The following GNAS variants were observed in gnomAD, a reference collection of about 807,000 sequenced individuals.
GNAS encodes GNAS complex locus, also known as protein ALEX.
In GNAS, 8 loss-of-function variants were observed where a neutral mutation model predicts 54.5. The ratio of observed to expected loss-of-function variants is 0.15; its 90% CI spans 0.09 to 0.26. GNAS has a LOEUF of 0.26. Among genes scored for constraint, GNAS ranks in the 10% least tolerant of loss-of-function variants. The pLI is 1.00. For synonymous variants in GNAS, 204 were observed against 191.4 expected, an observed-to-expected ratio of 1.07 and a Z score of -0.54; for missense variants, 170 against 529.8, an observed-to-expected ratio of 0.32 and a Z score of 6.67.
chr20:58,887,874 C>T (rs527895606), upstream of GNAS, among the ~76,000 whole-genome samples: 4 of 152,228 alleles, frequency 2.6e-5, no homozygotes, highest in Non-Finnish European at 5.9e-5. Context: ...CCTGAAGGGG[C>T]CAAGAAAAAT....
Position 58,880,311 on chromosome 20 carries a change from G to A in GNAS, c.44-15301G>A, listed in dbSNP as rs146721506. 3.6e-3 allele frequency among the ~76,000 whole-genome samples: 542 copies of A among 152,226 alleles called. 5 individuals are homozygous for A. Among genetic ancestry groups the A allele is most frequent in the Middle Eastern group, 0.017 (5 of 294 alleles). Reference sequence around the variant, plus strand: ...GAATCCATCTTACTTATTTTCCCTCGGGGGTGCAGGCAGGGCAGAGCCCAG... The same window carrying A: ...GAATCCATCTTACTTATTTTCCCTCAGGGGTGCAGGCAGGGCAGAGCCCAG... On this transcript the variant is annotated intron_variant, in intron 1 of 12. Coordinates refer to the GNAS transcript ENST00000306090.
intron 1 of GNAS, among the ~76,000 whole-genome samples, chr20:58,867,278 T>C (rs1042789663): frequency 6.6e-6 from 1 of 152,230 alleles, no homozygotes; most frequent in Non-Finnish European, 1.5e-5. Context: ...TATTTATAAT[T>C]AAGCATTTTT....
upstream of GNAS, among the ~76,000 whole-genome samples, chr20:58,886,852 T>C (rs557302392): frequency 6.6e-6 from 1 of 152,356 alleles, no homozygotes; most frequent in South Asian, 2.1e-4. Context: ...GTCATTTATT[T>C]ACAAAGTGAA....
rs1028166274 is a variant in GNAS at position 58,891,597 on chromosome 20, C to T, written c.-130C>T. ...CGGCCCGCAGTCCGCCCCGCGCGCT[C>T]CTTGCCGAGGAGCCGAGCCCGCGCC... On this transcript the variant is annotated 5_prime_UTR_variant, in exon 1 of 13. Transcript: ENST00000371085. 7.2e-6 allele frequency: 7 copies of T among 972,256 alleles called. No individual in the cohort carries two copies. Among genetic ancestry groups the T allele is most frequent in the African/African-American group, 3.6e-5 (2 of 55,000 alleles). The allele number at this position is 972,256 out of a possible 1,614,324, so 60.2% of individuals were successfully genotyped here.
upstream of GNAS, among the ~76,000 whole-genome samples, chr20:58,889,901 G>A (rs1353018230): frequency 6.6e-6 from 1 of 151,742 alleles, no homozygotes; most frequent in East Asian, 2.0e-4. Flanking sequence ...TGGCCATGAA[G>A]CTCAAAGCCC....
At chr20:58,891,887 C>G in intron 1 of GNAS, 22 bp downstream of exon 1, 1 of 1,117,350 alleles carries the variant, frequency 8.9e-7, no homozygotes, top group Non-Finnish European at 1.1e-6. Context: ...CGGGGGGCGC[C>G]GGCCCCGGCC....
At chr20:58,848,615 C>G (rs2086032849) in intron 1 of GNAS, among the ~76,000 whole-genome samples, 1 of 152,228 alleles carries the variant, frequency 6.6e-6, no homozygotes, top group Non-Finnish European at 1.5e-5. Flanking sequence ...GGCCATCTCC[C>G]TCCAGATCAA....
At chr20:58,854,264 C>T (rs778831981) in intron 1 of GNAS, 1 of 1,612,546 alleles carries the variant, frequency 6.2e-7, no homozygotes, top group Non-Finnish European at 8.5e-7. Flanking sequence ...TCGCGCTTGA[C>T]GGCCCGCCCA....
At position 58,853,932 on chromosome 20, in the gene GNAS, A is replaced by G. The variant is rs756290159; in HGVS notation, c.43+13046A>G. 1.9e-6 allele frequency: 3 copies of G among 1,611,448 alleles called. No homozygotes were observed. Among genetic ancestry groups the G allele is most frequent in the Non-Finnish European group, 2.5e-6 (3 of 1,179,292 alleles). On this transcript the variant is annotated intron_variant, in intron 1 of 12. Coordinates refer to the GNAS transcript ENST00000306090. The surrounding 1 kb of genome is among the most constrained non-coding windows in gnomAD (Gnocchi z 4.4). ...AGGCTACAGCCCTCCCCCTGAGGAG[A>G]CTATGCCATTTGAGCTTGATGGAGA...
At position 58,910,502 on chromosome 20, in the gene GNAS, C is replaced by G; in HGVS notation, c.1038+101C>G. ...AATTCAGGGGTTCAGCTACCCAGTTCCATGGTTTTAGTTCACGCACATCCA... is the reference window on the plus strand; with the variant it reads ...AATTCAGGGGTTCAGCTACCCAGTTGCATGGTTTTAGTTCACGCACATCCA... On this transcript the variant is annotated intron_variant, in intron 12 of 12. Transcript: ENST00000371085. The surrounding 1 kb of genome is among the most constrained non-coding windows in gnomAD (Gnocchi z 5.8). The G allele has an allele frequency of 1.7e-6, 2 of 1,170,518 alleles. No individual in the cohort carries two copies. Among genetic ancestry groups the G allele is most frequent in the South Asian group, 2.5e-5 (2 of 81,022 alleles). 72.5% of individuals were successfully genotyped at this position (1,170,518 alleles called of 1,614,324 possible). A position where few individuals can be genotyped will look rare whatever the true frequency, so the allele number is the denominator to read the frequency against.
intron 1 of GNAS, among the ~76,000 whole-genome samples, chr20:58,865,042 T>A (rs979110748): frequency 6.6e-6 from 1 of 152,132 alleles, no homozygotes. Flanking sequence ...CCCTCATTGA[T>A]AACTACTGCC....
chr20:58,901,616 A>G (rs923517282), intron 3 of GNAS, among the ~76,000 whole-genome samples: 1 of 100,956 alleles, frequency 9.9e-6, no homozygotes, highest in African/African-American at 3.9e-5. Flanking sequence ...GAACTTCCCC[A>G]GCTCTTCACC....
At chr20:58,895,741 A>G (rs1241716288) in intron 2 of GNAS, 57 bp downstream of exon 2, 4 of 1,002,310 alleles carry the variant, frequency 4.0e-6, no homozygotes, top group Non-Finnish European at 6.4e-6. Flanking sequence ...CTTTATACTA[A>G]CCTTTAGGAA....
At chr20:58,892,233 G>A (rs896947654) in intron 1 of GNAS, 17 of 949,130 alleles carry the variant, frequency 1.8e-5, no homozygotes, top group Non-Finnish European at 2.1e-5. Flanking sequence ...AGGGGGAGGG[G>A]GAGCCCATGG....
intron 1 of GNAS, among the ~76,000 whole-genome samples, chr20:58,875,752 G>A (rs868322519): frequency 5.3e-5 from 8 of 152,202 alleles, no homozygotes; most frequent in Admixed American, 2.0e-4. Context: ...GACTCATTCC[G>A]GCTCCGGTCG....
upstream of GNAS, chr20:58,888,433 C>A (rs73307945): frequency 6.6e-6 from 1 of 152,236 alleles, no homozygotes; most frequent in Non-Finnish European, 1.5e-5. Flanking sequence ...AATTTAGTAA[C>A]CCTGCTCCTA....
chr20:58,853,201 C>A lies in GNAS; in HGVS notation c.43+12315C>A. 1 of 1,473,032 alleles carries A rather than the reference C, an allele frequency of 6.8e-7. No homozygotes were observed. Among genetic ancestry groups the A allele is most frequent in the Non-Finnish European group, 9.0e-7 (1 of 1,110,374 alleles). 91.2% of individuals were successfully genotyped at this position (1,473,032 alleles called of 1,614,324 possible). A position where few individuals can be genotyped will look rare whatever the true frequency, so the allele number is the denominator to read the frequency against. ...AAATAATAATAATAATTTTTTCACC[C>A]TAGTTCGGTTGGGTGCTCCATCTTA... On this transcript the variant is annotated intron_variant, in intron 1 of 12. Coordinates refer to the GNAS transcript ENST00000306090. This position sits in a 1 kb window ranked among gnomAD's most constrained non-coding sequence, Gnocchi z 4.4.
chr20:58,895,585 A>T (rs1185731254), intron 1 of GNAS, 27 bp from the exon 2 acceptor site: 1 of 1,459,528 alleles, frequency 6.9e-7, no homozygotes, highest in South Asian at 1.1e-5. Context: ...CCTCCTTCAT[A>T]ACCTGAGACT....
chr20:58,841,650 C>G lies in GNAS; in HGVS notation c.43+764C>G. The G allele has an allele frequency of 9.0e-7, 1 of 1,117,136 alleles. No homozygotes were observed. The highest frequency in any genetic ancestry group is 1.1e-6 in the Non-Finnish European group (1 of 914,860). 69.2% of individuals were successfully genotyped at this position (1,117,136 alleles called of 1,614,324 possible). ...GGAGCTGACCTCTCCCGGCGGCGGG[C>G]GGTTAGGGGAAAGTACCTGGGGGAA... On this transcript the variant is annotated intron_variant, in intron 1 of 12. Transcript: ENST00000306090. The surrounding 1 kb of genome is among the most constrained non-coding windows in gnomAD (Gnocchi z 5.0).
Sources: gnomAD v4.1 joint callset for allele counts (sites outside exome capture counted in the v4.1 genomes callset) on GRCh38, gnomAD v4.1.1 for gene constraint, Gnocchi (gnomAD v3.1) non-coding constraint, MANE v1.5 for transcripts, NCBI Gene and HGNC (gene_info 2026-07-23, HGNC 2026-07-21) for gene names.